Variants in NT5C2 observed in about 807,000 individuals in gnomAD.
NT5C2 encodes 5'-nucleotidase, cytosolic II.
In NT5C2, 58 loss-of-function variants were observed where a neutral mutation model predicts 76.1. The observed-to-expected ratio is 0.76, with a 90% CI of 0.62 to 0.95. The LOEUF (loss-of-function observed/expected upper bound fraction) is 0.95. NT5C2 is among the 40% of genes least tolerant of loss of function. The pLI, the probability that NT5C2 is intolerant of heterozygous loss-of-function variation, is 0.00. For synonymous variants in NT5C2, 229 were observed against 237.4 expected (o/e 0.96, Z 0.32); for missense variants, 478 against 690.3 (o/e 0.69, Z 3.45).
chr10:103,183,291 A>ATATATATATATATATC, intron 1 of NT5C2, among the ~76,000 whole-genome samples: 1 of 128,132 alleles, frequency 7.8e-6, no homozygotes, highest in South Asian at 2.6e-4. Context: ...ATATATATAT[A>ATATATATATATATATC]TATCACACAC....
chr10:103,175,936 G>A (rs1270211851), intron 2 of NT5C2: 5 of 158,342 alleles, frequency 3.2e-5, no homozygotes, highest in South Asian at 1.7e-4. Flanking sequence ...CAAGGGCACT[G>A]CCCAGGAAAG....
In NT5C2 at chr10:103,157,455, G is replaced by A. The variant is rs142103302; in HGVS notation, c.101+17403C>T. On this transcript the variant is annotated intron_variant, in intron 3 of 18. Coordinates refer to ENST00000404739, the MANE Select transcript of NT5C2 (RefSeq NM_001351169.2). ...CCAGGGCTTTCACTGTGGAACAAGA[G>A]ATATACAAACATGGAATGGGAGTGA... is the stretch of plus-strand genomic sequence containing the variant. Among the ~76,000 whole-genome samples the A allele has an allele frequency of 7.7e-4, 117 of 152,260 alleles. 1 individual carries two copies. The highest frequency in any genetic ancestry group is 2.6e-3 in the African/African-American group (109 of 41,544).
At chr10:103,118,697 G>A (rs72846714) in intron 4 of NT5C2, among the ~76,000 whole-genome samples, 22,824 of 152,000 alleles carry the variant, frequency 0.15, 1,782 homozygotes, top group Middle Eastern at 0.22. Flanking sequence ...TCCTTTAGGG[G>A]TTGAGTCCTT....
At position 103,099,966 on chromosome 10, in the gene NT5C2, A is replaced by C; in HGVS notation, c.593T>G (p.Phe198Cys). The change falls in exon 9 of 19, where the codon TTC (phenylalanine) becomes TGC (cysteine). Residue 198 changes from phenylalanine (F) to cysteine (C), a missense_variant. Phe to Cys is a radical substitution (Grantham distance 205). Transcript: ENST00000404739. Reference sequence around the variant, plus strand: ...GTCAACAGCATCTCTTACATCCTGGAACATACTCCGGTAGGACATGAAGAG... The same window carrying C: ...GTCAACAGCATCTCTTACATCCTGGCACATACTCCGGTAGGACATGAAGAG... ...GDLFMSYRSM[F>C]QDVRDAVDWV... is the part of the protein sequence containing the mutation. The C allele has an allele frequency of 6.2e-7, 1 of 1,613,246 alleles. No homozygotes were observed.
At chr10:103,127,436 C>A (rs577461353) in intron 4 of NT5C2, among the ~76,000 whole-genome samples, 10 of 152,260 alleles carry the variant, frequency 6.6e-5, no homozygotes, top group Admixed American at 2.0e-4. Context: ...GGAATCTTCT[C>A]TGAAAAATAT....
intron 16 of NT5C2, among the ~76,000 whole-genome samples, chr10:103,091,341 G>A (rs2066815274): frequency 1.3e-5 from 2 of 150,406 alleles, no homozygotes; most frequent in Admixed American, 1.3e-4. Flanking sequence ...CGCCTGGCCT[G>A]GAAAGAACTT....
intron 6 of NT5C2, among the ~76,000 whole-genome samples, chr10:103,101,650 C>A (rs949151971): frequency 6.6e-6 from 1 of 151,774 alleles, no homozygotes; most frequent in African/African-American, 2.4e-5. Context: ...AGCTTAGGTT[C>A]CAGCTCTTAA....
intron 4 of NT5C2, among the ~76,000 whole-genome samples, chr10:103,137,392 G>A (rs1004300271): frequency 6.6e-6 from 1 of 152,172 alleles, no homozygotes; most frequent in Non-Finnish European, 1.5e-5. Context: ...AGTATGGAGG[G>A]AAGAGAAAAA....
chr10:103,140,674 T>G (rs2080245158), intron 3 of NT5C2, among the ~76,000 whole-genome samples: 1 of 152,228 alleles, frequency 6.6e-6, no homozygotes, highest in Non-Finnish European at 1.5e-5. Context: ...TGTTCCCTTT[T>G]CATGCATCAT....
intron 3 of NT5C2, among the ~76,000 whole-genome samples, chr10:103,169,121 GGATTA>G (rs2087152379): frequency 6.6e-6 from 1 of 151,862 alleles, no homozygotes; most frequent in African/African-American, 2.4e-5. Flanking sequence ...AATTGCAAAG[GGATTA>G]GATTTTAAAT....
chr10:103,089,587 G>C lies in NT5C2; in HGVS notation c.*85C>G, dbSNP rs567771052. ...TCATGGAGCCCCCTCCCTCCCCCGA[G>C]TAGAACCCTAACAGGGACCTCGTTT... On this transcript the variant is annotated 3_prime_UTR_variant, in exon 19 of 19. Coordinates refer to ENST00000404739, the MANE Select transcript of NT5C2 (RefSeq NM_001351169.2). 26 of 1,453,080 alleles carry C rather than the reference G, an allele frequency of 1.8e-5. No individual in the cohort carries two copies. The highest frequency in any genetic ancestry group is 2.4e-5 in the Non-Finnish European group (26 of 1,101,248). 90.0% of individuals were successfully genotyped at this position (1,453,080 alleles called of 1,614,324 possible). A position where few individuals can be genotyped will look rare whatever the true frequency, so the allele number is the denominator to read the frequency against.
chr10:103,138,660 A>G (rs1017314058), intron 4 of NT5C2, among the ~76,000 whole-genome samples: 2 of 152,200 alleles, frequency 1.3e-5, no homozygotes, highest in African/African-American at 4.8e-5. Context: ...CCTTATACAT[A>G]CTACGTGTGC....
At chr10:103,111,903 G>C in intron 4 of NT5C2, 2 of 753,674 alleles carry the variant, frequency 2.7e-6, no homozygotes, top group Non-Finnish European at 3.6e-6. Flanking sequence ...ATACCATTTG[G>C]AAATTGGTAT....
intron 4 of NT5C2, among the ~76,000 whole-genome samples, chr10:103,133,367 A>T (rs985497052): frequency 1.3e-5 from 2 of 152,022 alleles, no homozygotes; most frequent in African/African-American, 4.8e-5. Flanking sequence ...TCCCGGGTTC[A>T]AGTTATTCTC....
chr10:103,153,501 C>G, intron 3 of NT5C2: 1 of 985,166 alleles, frequency 1.0e-6, no homozygotes, highest in Non-Finnish European at 1.2e-6. Flanking sequence ...TACTTGAAAA[C>G]TTAAGAATAA....
At chr10:103,132,902 G>A (rs1471899543) in intron 4 of NT5C2, among the ~76,000 whole-genome samples, 1 of 152,104 alleles carries the variant, frequency 6.6e-6, no homozygotes, top group Admixed American at 6.5e-5. Context: ...AAAAAAGAAT[G>A]AACTACTTAC....
At chr10:103,095,011 A>G (rs1200809988) in intron 12 of NT5C2, among the ~76,000 whole-genome samples, 1 of 124,386 alleles carries the variant, frequency 8.0e-6, no homozygotes, top group African/African-American at 2.9e-5. Flanking sequence ...CTAAATTACA[A>G]TACTTATTTT....
intron 3 of NT5C2, among the ~76,000 whole-genome samples, chr10:103,156,024 G>A (rs1265163328): frequency 6.6e-6 from 1 of 152,046 alleles, no homozygotes; most frequent in Non-Finnish European, 1.5e-5. Context: ...AAATTAGCCA[G>A]GTATGGTGGC....
At chr10:103,121,892 G>C (rs753622745) in intron 4 of NT5C2, among the ~76,000 whole-genome samples, 1 of 152,044 alleles carries the variant, frequency 6.6e-6, no homozygotes, top group South Asian at 2.1e-4. Context: ...TAGAATTCTC[G>C]GCCAGGCACG....
Sources: gnomAD v4.1 joint callset for allele counts (sites outside exome capture counted in the v4.1 genomes callset) on GRCh38, gnomAD v4.1.1 for gene constraint, MANE v1.5 for transcripts, NCBI Gene and HGNC (gene_info 2026-07-23, HGNC 2026-07-21) for gene names.